ZSWIM6: variants seen among roughly 807,000 people sequenced by gnomAD.
ZSWIM6 encodes the protein zinc finger SWIM-type containing 6.
ZSWIM6 carries 9 observed loss-of-function variants against 113.2 expected under a neutral mutation model. The ratio of observed to expected loss-of-function variants is 0.08; its 90% CI spans 0.05 to 0.14. The LOEUF (loss-of-function observed/expected upper bound fraction) is 0.14. Among genes scored for constraint, ZSWIM6 ranks in the 10% least tolerant of loss-of-function variants. The probability of loss-of-function intolerance (pLI) is 1.00; values close to 1 mark genes in which losing one functional copy is unlikely to be tolerated. For synonymous variants in ZSWIM6, 611 were observed against 606.5 expected (o/e 1.01, Z -0.11); for missense variants, 1,162 against 1,552.2 (o/e 0.75, Z 4.22).
chr5:61,467,087 A>G (rs1052424020), intron 1 of ZSWIM6, among the ~76,000 whole-genome samples: 7 of 152,290 alleles, frequency 4.6e-5, no homozygotes, highest in African/African-American at 1.7e-4. Flanking sequence ...CGTAGAGAAG[A>G]GTTCTTTCTT....
chr5:61,356,471 T>C (rs950419486), intron 1 of ZSWIM6, among the ~76,000 whole-genome samples: 1 of 151,634 alleles, frequency 6.6e-6, no homozygotes, highest in Non-Finnish European at 1.5e-5. Context: ...TCTGGTAAAA[T>C]ACAATGAATG....
At chr5:61,538,161 A>G (rs182434345) in intron 10 of ZSWIM6, among the ~76,000 whole-genome samples, 6 of 152,348 alleles carry the variant, frequency 3.9e-5, no homozygotes, top group Non-Finnish European at 8.8e-5. Context: ...ATCACTCTGA[A>G]TTTATGCAAA....
intron 1 of ZSWIM6, among the ~76,000 whole-genome samples, chr5:61,463,562 C>G (rs1747361457): frequency 6.6e-6 from 1 of 152,294 alleles, no homozygotes; most frequent in South Asian, 2.1e-4. Flanking sequence ...AACCACCGAT[C>G]TATATGTTCC....
At chr5:61,541,233 G>A (rs950579831) in intron 12 of ZSWIM6, among the ~76,000 whole-genome samples, 32 of 152,040 alleles carry the variant, frequency 2.1e-4, no homozygotes, top group African/African-American at 6.3e-4. Context: ...ATGAGCCACC[G>A]CACCTGACCG....
chr5:61,459,678 TTTTA>T (rs1196127306), intron 1 of ZSWIM6, among the ~76,000 whole-genome samples: 1 of 152,220 alleles, frequency 6.6e-6, no homozygotes, highest in Non-Finnish European at 1.5e-5. Context: ...AGCTTTACAT[TTTTA>T]TTTATTCATT....
intron 1 of ZSWIM6, among the ~76,000 whole-genome samples, chr5:61,351,389 A>C (rs1744780274): frequency 1.3e-5 from 2 of 152,220 alleles, no homozygotes; most frequent in South Asian, 4.1e-4. Context: ...CAAGTGGAAG[A>C]TGGAAGAAGA....
At chr5:61,334,605 A>G (rs1315970749) in intron 1 of ZSWIM6, among the ~76,000 whole-genome samples, 4 of 152,146 alleles carry the variant, frequency 2.6e-5, no homozygotes, top group Non-Finnish European at 4.4e-5. Flanking sequence ...GCCATCTGCA[A>G]ACGTGGTTTT....
At chr5:61,364,594 G>A (rs1745113012) in intron 1 of ZSWIM6, among the ~76,000 whole-genome samples, 1 of 152,186 alleles carries the variant, frequency 6.6e-6, no homozygotes, top group South Asian at 2.1e-4. Context: ...ACCATAAACT[G>A]GATGGCTTAT....
intron 2 of ZSWIM6, among the ~76,000 whole-genome samples, chr5:61,482,408 G>A (rs1173006069): frequency 1.3e-5 from 2 of 152,138 alleles, no homozygotes; most frequent in African/African-American, 4.8e-5. Flanking sequence ...TAGATGACGG[G>A]TTGATGGGTG....
chr5:61,514,615 GTATCTGTTGAGATTAT>G, intron 4 of ZSWIM6, among the ~76,000 whole-genome samples: 1 of 152,152 alleles, frequency 6.6e-6, no homozygotes, highest in East Asian at 1.9e-4. Context: ...TGATTTTTCT[GTATCTGTTGAGATTAT>G]TATATGGTTT....
At chr5:61,366,879 A>T (rs1170122800) in intron 1 of ZSWIM6, among the ~76,000 whole-genome samples, 1 of 151,546 alleles carries the variant, frequency 6.6e-6, no homozygotes, top group African/African-American at 2.4e-5. Flanking sequence ...CATGAGCCAT[A>T]ATCTTGCCAC....
At chr5:61,524,340 T>TCAACAGG (rs1232379519) in intron 5 of ZSWIM6, among the ~76,000 whole-genome samples, 1 of 151,400 alleles carries the variant, frequency 6.6e-6, no homozygotes, top group Non-Finnish European at 1.5e-5. Context: ...CCATAACAGA[T>TCAACAGG]CATCATTATT....
chr5:61,543,442 G>C lies in ZSWIM6; in HGVS notation c.2786-13G>C. On this transcript the variant is annotated splice_polypyrimidine_tract_variant and intron_variant, in intron 13 of 13. Coordinates refer to ENST00000252744, the MANE Select transcript of ZSWIM6 (RefSeq NM_020928.2). The surrounding 1 kb of genome is among the most constrained non-coding windows in gnomAD (Gnocchi z 4.3). The stretch of plus-strand genomic sequence containing the variant: ...TCCTCGTCAGTAATAGAGCCTGTTT[G>C]TGTTCCTTGCAGGGGTTTATGCCCT... 6.5e-7 allele frequency: 1 copy of C among 1,542,424 alleles called. No homozygotes were observed. Among genetic ancestry groups the C allele is most frequent in the Non-Finnish European group, 8.8e-7 (1 of 1,141,816 alleles).
At position 61,507,368 on chromosome 5, in the gene ZSWIM6, G is replaced by T. The variant is rs1266410274; in HGVS notation, c.1333+12958G>T. Among the ~76,000 whole-genome samples the T allele has an allele frequency of 3.3e-5, 5 of 152,220 alleles. 1 individual carries two copies. The highest frequency in any genetic ancestry group is 2.0e-4 in the Admixed American group (3 of 15,282). On this transcript the variant is annotated intron_variant, in intron 4 of 13. Coordinates refer to ENST00000252744, the MANE Select transcript of ZSWIM6 (RefSeq NM_020928.2). The stretch of plus-strand genomic sequence containing the variant: ...AAAACAAGTTTTATTGGTGTTGGGG[G>T]GTAGCAGTGAACAGCTGATGTATTC...
chr5:61,365,498 A>G (rs983370232), intron 1 of ZSWIM6, among the ~76,000 whole-genome samples: 2 of 152,210 alleles, frequency 1.3e-5, no homozygotes, highest in African/African-American at 4.8e-5. Context: ...AGTTGCTGTA[A>G]TAAGAATGGA....
At chr5:61,341,444 TG>T (rs752297443) in intron 1 of ZSWIM6, among the ~76,000 whole-genome samples, 250 of 152,380 alleles carry the variant, frequency 1.6e-3, no homozygotes, top group Admixed American at 4.0e-3. Context: ...AGTTTGGTGA[TG>T]TTTTTGTGAC....
chr5:61,527,451 G>A (rs1401658159), intron 7 of ZSWIM6, among the ~76,000 whole-genome samples: 2 of 152,078 alleles, frequency 1.3e-5, no homozygotes, highest in Non-Finnish European at 2.9e-5. Context: ...AGTGTCTATT[G>A]TAACTTTTAA....
intron 12 of ZSWIM6, 71 bp downstream of exon 12, chr5:61,539,830 G>A: frequency 2.8e-6 from 4 of 1,438,546 alleles, no homozygotes; most frequent in Non-Finnish European, 3.7e-6. Flanking sequence ...GGTTGTTTTT[G>A]TTTGATTGGA....
At chr5:61,341,682 A>G (rs1744549657) in intron 1 of ZSWIM6, among the ~76,000 whole-genome samples, 1 of 152,176 alleles carries the variant, frequency 6.6e-6, no homozygotes, top group Non-Finnish European at 1.5e-5. Context: ...CTTAGTGTAT[A>G]TATGAAAACT....
Sources: allele counts gnomAD v4.1 joint callset (sites outside exome capture counted in the v4.1 genomes callset), GRCh38; gene constraint gnomAD v4.1.1; non-coding constraint Gnocchi (gnomAD v3.1); transcripts MANE v1.5; gene names NCBI Gene and HGNC (gene_info 2026-07-23, HGNC 2026-07-21).